GRM1: variants seen among roughly 807,000 people sequenced by gnomAD.
GRM1 encodes metabotropic glutamate receptor 1.
In GRM1, 33 loss-of-function variants were observed where a neutral mutation model predicts 90.9. The observed-to-expected ratio is 0.36, with a 90% CI of 0.28 to 0.49. The LOEUF (loss-of-function observed/expected upper bound fraction) is 0.49, where lower values mean the gene tolerates loss of function less well. Among genes scored for constraint, GRM1 ranks in the 20% least tolerant of loss-of-function variants. The pLI is 0.99. For missense variants in GRM1, 1,190 were observed against 1,534.3 expected (o/e 0.78, Z 3.75); for synonymous variants, 700 against 613.2 (o/e 1.14, Z -2.09).
chr6:146,056,925 T>G (rs949713925), intron 1 of GRM1, among the ~76,000 whole-genome samples: 1 of 152,172 alleles, frequency 6.6e-6, no homozygotes, highest in Non-Finnish European at 1.5e-5. Context: ...AACATATTAA[T>G]AAGCTCTCAC....
intron 2 of GRM1, among the ~76,000 whole-genome samples, chr6:146,276,645 A>G (rs1007583726): frequency 1.3e-5 from 2 of 152,212 alleles, no homozygotes; most frequent in Non-Finnish European, 2.9e-5. Flanking sequence ...TCTAGACACC[A>G]GAACAATTGT....
chr6:146,257,884 T>G (rs1177798724), intron 2 of GRM1, among the ~76,000 whole-genome samples: 1 of 151,920 alleles, frequency 6.6e-6, no homozygotes, highest in Non-Finnish European at 1.5e-5. Flanking sequence ...GCAGAAATAA[T>G]GTTTAATCCG....
chr6:146,049,701 A>ATCTG (rs929566073), intron 1 of GRM1, among the ~76,000 whole-genome samples: 10 of 145,846 alleles, frequency 6.9e-5, no homozygotes, highest in Non-Finnish European at 1.5e-4. Context: ...CTATCTATCT[A>ATCTG]TCATCTCATG....
At chr6:146,323,207 C>G (rs1177420882) in intron 3 of GRM1, among the ~76,000 whole-genome samples, 2 of 152,206 alleles carry the variant, frequency 1.3e-5, no homozygotes, top group African/African-American at 4.8e-5. Flanking sequence ...GTCCCACCAA[C>G]AGTGTAAAAG....
intron 5 of GRM1, among the ~76,000 whole-genome samples, chr6:146,364,299 T>G (rs2115071932): frequency 6.6e-6 from 1 of 152,226 alleles, no homozygotes; most frequent in East Asian, 1.9e-4. Flanking sequence ...TTTGCTTTCC[T>G]CCACGACAGT....
intron 3 of GRM1, among the ~76,000 whole-genome samples, chr6:146,314,753 A>T (rs1454265753): frequency 6.6e-6 from 1 of 151,888 alleles, no homozygotes; most frequent in African/African-American, 2.4e-5. Context: ...TTATTTGCAG[A>T]TGGCAGTTAA....
chr6:146,051,368 T>C (rs1445065401), intron 1 of GRM1, among the ~76,000 whole-genome samples: 1 of 152,030 alleles, frequency 6.6e-6, no homozygotes, highest in South Asian at 2.1e-4. Context: ...TTCCCCTCCA[T>C]CTGTAAATAT....
At chr6:146,252,956 AG>A (rs1035389695) in intron 2 of GRM1, among the ~76,000 whole-genome samples, 1 of 149,264 alleles carries the variant, frequency 6.7e-6, no homozygotes, top group African/African-American at 2.5e-5. Flanking sequence ...GCTACTCAGG[AG>A]GCTGAGGCAA....
At chr6:146,314,347 A>C (rs1428435300) in intron 3 of GRM1, among the ~76,000 whole-genome samples, 1 of 152,082 alleles carries the variant, frequency 6.6e-6, no homozygotes, top group Non-Finnish European at 1.5e-5. Context: ...AAGTGCTGGA[A>C]CAACACTTAA....
intron 3 of GRM1, among the ~76,000 whole-genome samples, chr6:146,334,937 C>T (rs910955454): frequency 6.6e-6 from 1 of 152,074 alleles, no homozygotes; most frequent in Non-Finnish European, 1.5e-5. Flanking sequence ...CATGTGGATT[C>T]CTGTGTAAAG....
chr6:146,137,314 CTT>C (rs1046815844), intron 1 of GRM1, among the ~76,000 whole-genome samples: 1 of 152,068 alleles, frequency 6.6e-6, no homozygotes, highest in Non-Finnish European at 1.5e-5. Flanking sequence ...AGATTTAACT[CTT>C]TAGTCTATTT....
chr6:146,316,653 A>G (rs1328039827), intron 3 of GRM1, among the ~76,000 whole-genome samples: 1 of 152,164 alleles, frequency 6.6e-6, no homozygotes, highest in African/African-American at 2.4e-5. Flanking sequence ...TTGACGACAT[A>G]TATTTCTTGC....
intron 1 of GRM1, among the ~76,000 whole-genome samples, chr6:146,068,139 T>C (rs1451397576): frequency 2.0e-5 from 3 of 148,232 alleles, no homozygotes; most frequent in Non-Finnish European, 4.5e-5. Context: ...TGAGACGGAG[T>C]CTTGCTCTGT....
intron 5 of GRM1, among the ~76,000 whole-genome samples, chr6:146,372,608 C>A (rs543179445): frequency 6.6e-6 from 1 of 152,128 alleles, no homozygotes; most frequent in South Asian, 2.1e-4. Context: ...AGATTTAAGT[C>A]TTTAATTGAT....
intron 2 of GRM1, among the ~76,000 whole-genome samples, chr6:146,208,151 A>G (rs1779557862): frequency 6.6e-6 from 1 of 152,176 alleles, no homozygotes; most frequent in African/African-American, 2.4e-5. Flanking sequence ...ATAGAAGGAC[A>G]TAAGTCTTGT....
intron 2 of GRM1, among the ~76,000 whole-genome samples, chr6:146,253,136 G>C (rs997851711): frequency 6.6e-6 from 1 of 152,116 alleles, no homozygotes; most frequent in African/African-American, 2.4e-5. Flanking sequence ...AAAGTGCATT[G>C]GGAGTTTTAA....
chr6:146,312,259 T>C (rs552893323), intron 3 of GRM1, among the ~76,000 whole-genome samples: 1 of 137,304 alleles, frequency 7.3e-6, no homozygotes, highest in African/African-American at 2.8e-5. Context: ...GAGAATGGCG[T>C]GAACCCAGGA....
At chr6:146,146,929 C>G (rs1385838076) in intron 1 of GRM1, among the ~76,000 whole-genome samples, 1 of 152,218 alleles carries the variant, frequency 6.6e-6, no homozygotes, top group Non-Finnish European at 1.5e-5. Flanking sequence ...ATTTGACCCT[C>G]CATTGTTACC....
rs557097283 is a variant in GRM1, at chr6:146,033,726, A to G, written c.700+3509A>G. 2.4e-4 allele frequency among the ~76,000 whole-genome samples: 36 copies of G among 152,092 alleles called. No individual in the cohort carries two copies. In the South Asian group the frequency reaches 6.8e-3, roughly 29 times the overall value. On this transcript the variant is annotated intron_variant, in intron 1 of 7. Coordinates refer to ENST00000282753, the MANE Select transcript of GRM1 (RefSeq NM_001278064.2). ...TTTTTGACATTTGCTTACATTTTAT[A>G]TAAAATTGGCCTTTTTGAGCTTCTT...
Sources: gnomAD v4.1 joint callset for allele counts (sites outside exome capture counted in the v4.1 genomes callset) on GRCh38, gnomAD v4.1.1 for gene constraint, MANE v1.5 for transcripts, NCBI Gene and HGNC (gene_info 2026-07-23, HGNC 2026-07-21) for gene names.